CHD9: variants seen among roughly 807,000 people sequenced by gnomAD.
The protein encoded by CHD9 is chromodomain helicase DNA binding protein 9.
Under a neutral mutation model 316.1 loss-of-function variants are expected in CHD9, and 77 were observed. The observed-to-expected ratio is 0.24, with a 90% CI of 0.20 to 0.29. CHD9 has a LOEUF of 0.29. CHD9 is among the 10% of genes least tolerant of loss of function. CHD9 has a pLI of 1.00. For missense variants in CHD9, 2,763 were observed against 3,438.1 expected, an observed-to-expected ratio of 0.80 and a Z score of 4.91; for synonymous variants, 1,129 against 1,158.3, an observed-to-expected ratio of 0.97 and a Z score of 0.51.
intron 25 of CHD9, 55 bp downstream of exon 25, chr16:53,285,754 C>A: frequency 2.3e-6 from 2 of 874,596 alleles, no homozygotes; most frequent in Non-Finnish European, 3.6e-6. Flanking sequence ...GCAGTTCTGT[C>A]AGTTCTCAGT....
intron 1 of CHD9, among the ~76,000 whole-genome samples, chr16:53,102,861 G>C (rs1328890159): frequency 6.6e-6 from 1 of 151,194 alleles, no homozygotes; most frequent in Non-Finnish European, 1.5e-5. Flanking sequence ...TTCTTTTTTT[G>C]GGGGGACAGA....
At chr16:53,104,828 A>AAG (rs1567331070) in intron 1 of CHD9, among the ~76,000 whole-genome samples, 1 of 150,120 alleles carries the variant, frequency 6.7e-6, no homozygotes, top group Non-Finnish European at 1.5e-5. Flanking sequence ...AAAAAAAAAA[A>AAG]GTTATAATGA....
chr16:53,168,010 T>C (rs1318941281), intron 2 of CHD9, among the ~76,000 whole-genome samples: 4 of 152,046 alleles, frequency 2.6e-5, no homozygotes, highest in African/African-American at 7.2e-5. Flanking sequence ...ATAGGAAACA[T>C]TGAGTATAAT....
At chr16:53,249,446 T>C (rs2152965023) in intron 16 of CHD9, among the ~76,000 whole-genome samples, 1 of 152,336 alleles carries the variant, frequency 6.6e-6, no homozygotes, top group African/African-American at 2.4e-5. Flanking sequence ...TAGATTGCAA[T>C]ATAGAAGCAA....
intron 19 of CHD9, among the ~76,000 whole-genome samples, chr16:53,257,692 G>C (rs2050723379): frequency 6.6e-6 from 1 of 152,168 alleles, no homozygotes; most frequent in Non-Finnish European, 1.5e-5. Context: ...GATCCAAATG[G>C]AGATGTCTAG....
rs976416873 is a variant in CHD9, at chr16:53,319,802, C to G, written c.7713+1462C>G. 18 of 1,255,512 alleles carry G rather than the reference C, an allele frequency of 1.4e-5. No homozygotes were observed. The East Asian group carries it at 1.8e-4, about 13-fold the overall frequency. The allele number at this position is 1,255,512 out of a possible 1,614,324, so 77.8% of individuals were successfully genotyped here. ...TAGAGTTTCTAATTGTCTTGAGTCT[C>G]TCGGGTACAGGCTTAAGGATTGATG... On this transcript the variant is annotated intron_variant, in intron 37 of 38. Coordinates refer to ENST00000447540, the MANE Select transcript of CHD9 (RefSeq NM_001308319.2).
At chr16:53,271,653 C>A (rs1286418138) in intron 22 of CHD9, among the ~76,000 whole-genome samples, 1 of 151,676 alleles carries the variant, frequency 6.6e-6, no homozygotes. Context: ...AAGGAGGACA[C>A]CTTTTCTTTA....
intron 28 of CHD9, 24 bp downstream of exon 28, chr16:53,291,791 T>A: frequency 7.2e-7 from 1 of 1,388,988 alleles, no homozygotes; most frequent in Non-Finnish European, 9.8e-7. Flanking sequence ...ACTTCTGTAC[T>A]TAGTATTATT....
intron 1 of CHD9, among the ~76,000 whole-genome samples, chr16:53,147,229 C>T (rs1000337451): frequency 6.6e-6 from 1 of 152,020 alleles, no homozygotes; most frequent in African/African-American, 2.4e-5. Flanking sequence ...TCAGGAAAGG[C>T]CTCACTAGGA....
chr16:53,171,376 G>A (rs1033493759), intron 2 of CHD9, among the ~76,000 whole-genome samples: 3 of 152,090 alleles, frequency 2.0e-5, no homozygotes, highest in Non-Finnish European at 4.4e-5. Context: ...CCGAGATCAC[G>A]CCACTGCACT....
At chr16:53,111,475 G>A (rs1337631347) in intron 1 of CHD9, among the ~76,000 whole-genome samples, 1 of 152,170 alleles carries the variant, frequency 6.6e-6, no homozygotes, top group Non-Finnish European at 1.5e-5. Context: ...TCTAGTATAC[G>A]GTTATTAGCA....
At chr16:53,136,243 A>G (rs978318742) in intron 1 of CHD9, among the ~76,000 whole-genome samples, 11 of 152,178 alleles carry the variant, frequency 7.2e-5, no homozygotes, top group South Asian at 6.2e-4. Context: ...TAAAACTAGT[A>G]ATTTTAAACA....
At chr16:53,195,408 A>G (rs1362630368) in intron 2 of CHD9, among the ~76,000 whole-genome samples, 1 of 152,224 alleles carries the variant, frequency 6.6e-6, no homozygotes, top group East Asian at 1.9e-4. Context: ...CTGGCTTAAA[A>G]TGGCACTCAT....
chr16:53,161,087 A>C (rs552376598), intron 2 of CHD9, among the ~76,000 whole-genome samples: 61 of 152,160 alleles, frequency 4.0e-4, no homozygotes, highest in Non-Finnish European at 7.6e-4. Context: ...CCTGTCTCAA[A>C]AAAAGGAAAA....
intron 1 of CHD9, among the ~76,000 whole-genome samples, chr16:53,110,080 A>ACT (rs992745025): frequency 1.3e-5 from 2 of 151,908 alleles, no homozygotes; most frequent in Non-Finnish European, 2.9e-5. Context: ...AAAGCTATGC[A>ACT]CTCTCCAGTT....
chr16:53,274,646 C>T lies in CHD9; in HGVS notation c.4967+344C>T, dbSNP rs535316847. On this transcript the variant is annotated intron_variant, in intron 24 of 38. Coordinates refer to ENST00000447540, the MANE Select transcript of CHD9 (RefSeq NM_001308319.2). The stretch of plus-strand genomic sequence containing the variant: ...AATTTTTTTGTATTTTTAGTAGAGA[C>T]GGGGTTTCACCATCTTGGCCAGGCT... Among the ~76,000 whole-genome samples, 7 of 151,906 alleles carry T rather than the reference C, an allele frequency of 4.6e-5. No individual in the cohort carries two copies. The East Asian group carries it at 9.7e-4, about 21-fold the overall frequency.
At chr16:53,102,685 G>T (rs2152570898) in intron 1 of CHD9, among the ~76,000 whole-genome samples, 1 of 142,758 alleles carries the variant, frequency 7.0e-6, no homozygotes, top group Middle Eastern at 3.8e-3. Context: ...CTCCATCTCT[G>T]CAAAAAAATA....
chr16:53,206,736 T>C (rs2045925105), intron 2 of CHD9, among the ~76,000 whole-genome samples: 1 of 152,180 alleles, frequency 6.6e-6, no homozygotes, highest in African/African-American at 2.4e-5. Flanking sequence ...GTCATAATGA[T>C]TTTTGTAATT....
intron 24 of CHD9, 107 bp from the exon 25 acceptor site, chr16:53,285,489 T>C: frequency 5.7e-6 from 2 of 350,674 alleles, no homozygotes; most frequent in Non-Finnish European, 9.9e-6. Context: ...AATGAAATCC[T>C]AAGCTCTCTC....
Sources: gnomAD v4.1 joint callset for allele counts (sites outside exome capture counted in the v4.1 genomes callset) on GRCh38, gnomAD v4.1.1 for gene constraint, MANE v1.5 for transcripts, NCBI Gene and HGNC (gene_info 2026-07-23, HGNC 2026-07-21) for gene names.